RMND1: variants seen among roughly 807,000 people sequenced by gnomAD.
RMND1 encodes the protein required for meiotic nuclear division 1 homolog.
In RMND1, 41 loss-of-function variants were observed where a neutral mutation model predicts 54.0. The ratio of observed to expected loss-of-function variants is 0.76; its 90% CI spans 0.59 to 0.98. The LOEUF (loss-of-function observed/expected upper bound fraction) is 0.98, where lower values mean the gene tolerates loss of function less well. RMND1 is among the 50% of genes least tolerant of loss of function. RMND1 has a pLI of 0.00. For synonymous variants in RMND1, 183 were observed against 181.7 expected, an observed-to-expected ratio of 1.01 and a Z score of -0.06; for missense variants, 457 against 532.0, an observed-to-expected ratio of 0.86 and a Z score of 1.39.
At position 151,445,500 on chromosome 6, in the gene RMND1, G is replaced by A. The variant is rs1319677905; in HGVS notation, c.312C>T (p.His104=). 1 of 1,614,018 alleles carries A rather than the reference G, an allele frequency of 6.2e-7. No homozygotes were observed. Among genetic ancestry groups the A allele is most frequent in the African/African-American group, 1.3e-5 (1 of 74,942 alleles). Residue 104 remains histidine (H), a synonymous_variant, in exon 2 of 12, where the codon CAC becomes CAT. Transcript: ENST00000444024. ...HLPTMKSFGT[H]RRVTHKPNLL... ...GATTTGGTTTGTGGGTCACTCTCCTGTGAGTACCAAAGGATTTCATGGTTG... is the reference window on the plus strand; with the variant it reads ...GATTTGGTTTGTGGGTCACTCTCCTATGAGTACCAAAGGATTTCATGGTTG...
At chr6:151,415,133 ACTTTG>A (rs1779964518) in intron 10 of RMND1, among the ~76,000 whole-genome samples, 1 of 152,018 alleles carries the variant, frequency 6.6e-6, no homozygotes, top group African/African-American at 2.4e-5. Flanking sequence ...CATACAACAG[ACTTTG>A]CTTTTCTTAG....
chr6:151,445,435 T>C lies in RMND1; in HGVS notation c.377A>G (p.His126Arg). ...TGTTTCCGTTGATACAGATGAGAAA[T>C]GCCTCTTTAATATTTTTATAAACCA... ...SKWFIKILKR[H>R]FSSVSTETFV... is the part of the protein sequence containing the mutation. The change falls in exon 2 of 12, where the codon CAT (histidine) becomes CGT (arginine). Residue 126 changes from histidine to arginine, a missense_variant. Physicochemically the swap from His to Arg is conservative, Grantham distance 29. Transcript: ENST00000444024. 1.9e-6 allele frequency: 3 copies of C among 1,614,210 alleles called. No individual in the cohort carries two copies. Among genetic ancestry groups the C allele is most frequent in the Non-Finnish European group, 2.5e-6 (3 of 1,180,022 alleles).
chr6:151,425,204 A>G (rs1780259521), intron 6 of RMND1, among the ~76,000 whole-genome samples: 1 of 152,146 alleles, frequency 6.6e-6, no homozygotes, highest in Non-Finnish European at 1.5e-5. Flanking sequence ...TGGCCTCTCA[A>G]AGTGTTGGGA....
At chr6:151,433,111 A>G (rs1417363002) in intron 4 of RMND1, 44 bp downstream of exon 4, 2 of 1,272,272 alleles carry the variant, frequency 1.6e-6, no homozygotes, top group Non-Finnish European at 2.3e-6. Context: ...CAATTACTTG[A>G]CCCAAACCCA....
intron 10 of RMND1, among the ~76,000 whole-genome samples, chr6:151,409,386 T>G (rs1314781495): frequency 6.6e-6 from 1 of 152,224 alleles, no homozygotes; most frequent in Non-Finnish European, 1.5e-5. Flanking sequence ...CCCAGATGAC[T>G]TTTAAGTTTC....
intron 2 of RMND1, among the ~76,000 whole-genome samples, chr6:151,441,175 C>T (rs567862767): frequency 2.6e-5 from 4 of 152,192 alleles, no homozygotes; most frequent in Non-Finnish European, 4.4e-5. Context: ...TTAGGAGCAT[C>T]GCATGCTCTG....
At position 151,427,494 on chromosome 6, in the gene RMND1, T is replaced by G. The variant is rs766739125; in HGVS notation, c.818A>C (p.Tyr273Ser). ...AAAAGTTGCTTACTCTATTTTTATG[T>G]AGTTAAGTTCTTCATTTTCCCAGTG... is the stretch of plus-strand genomic sequence containing the variant. The part of the protein sequence containing the change: ...LVHWENEELN[Y>S]IKIEGQSKLH... Residue 273 changes from tyrosine (Y) to serine (S), a missense_variant, in exon 6 of 12, where the codon TAC (tyrosine) becomes TCC (serine). Coordinates refer to ENST00000444024, the MANE Select transcript of RMND1 (RefSeq NM_017909.4). 5 of 1,601,008 alleles carry G rather than the reference T, an allele frequency of 3.1e-6. No individual in the cohort carries two copies. Among genetic ancestry groups the G allele is most frequent in the Non-Finnish European group, 4.3e-6 (5 of 1,168,556 alleles).
intron 2 of RMND1, among the ~76,000 whole-genome samples, chr6:151,439,710 A>G (rs1780715716): frequency 6.6e-6 from 1 of 152,168 alleles, no homozygotes; most frequent in Non-Finnish European, 1.5e-5. Flanking sequence ...CCCAGGCTGG[A>G]GTGCAATGGT....
chr6:151,421,077 C>T, intron 9 of RMND1, 168 bp downstream of exon 9: 1 of 576,596 alleles, frequency 1.7e-6, no homozygotes, highest in East Asian at 3.0e-5. Flanking sequence ...TAACACAGCC[C>T]AACTACTTCT....
chr6:151,446,900 C>CAA (rs35099648), intron 1 of RMND1, among the ~76,000 whole-genome samples: 3 of 135,372 alleles, frequency 2.2e-5, no homozygotes, highest in Admixed American at 7.6e-5. Flanking sequence ...GACTCTGTCT[C>CAA]AAAAAAAAAA....
chr6:151,435,227 C>G (rs185035350), intron 3 of RMND1, among the ~76,000 whole-genome samples: 1 of 152,080 alleles, frequency 6.6e-6, no homozygotes, highest in African/African-American at 2.4e-5. Context: ...CTCACTGCAA[C>G]CTCCACCCTC....
chr6:151,421,370 CTAA>C, intron 8 of RMND1, 49 bp from the exon 9 acceptor site: 1 of 1,408,124 alleles, frequency 7.1e-7, no homozygotes, highest in Non-Finnish European at 9.9e-7. Flanking sequence ...ATCTCTCTTT[CTAA>C]TAAGCATTAG....
At chr6:151,445,898 G>A in intron 1 of RMND1, 73 bp from the exon 2 acceptor site, 3 of 1,322,080 alleles carry the variant, frequency 2.3e-6, no homozygotes, top group African/African-American at 1.5e-5. Context: ...TCCCTAGGTA[G>A]CAGGCATATT....
At chr6:151,440,634 A>G (rs1361371598) in intron 2 of RMND1, among the ~76,000 whole-genome samples, 1 of 152,174 alleles carries the variant, frequency 6.6e-6, no homozygotes, top group Non-Finnish European at 1.5e-5. Context: ...AATGTCACTC[A>G]GCTTATATGG....
intron 6 of RMND1, among the ~76,000 whole-genome samples, chr6:151,424,255 T>G (rs556416085): frequency 6.7e-4 from 102 of 151,978 alleles, no homozygotes; most frequent in African/African-American, 2.3e-3. Context: ...GGTCAGGAGA[T>G]TGAGACCATC....
intron 6 of RMND1, among the ~76,000 whole-genome samples, chr6:151,425,370 C>G (rs572674320): frequency 2.0e-5 from 3 of 152,144 alleles, no homozygotes; most frequent in African/African-American, 7.2e-5. Context: ...AACAAAATAA[C>G]TGACTCTGGG....
rs1779554049 is a variant in RMND1, at chr6:151,404,850, G to C, written c.*385C>G. The stretch of plus-strand genomic sequence containing the variant: ...AAAACACCTATTAAATGATCACCCA[G>C]TAGTGAACATTTATTTATTTATTTT... On this transcript the variant is annotated 3_prime_UTR_variant, in exon 12 of 12. Transcript: ENST00000444024. The C allele has an allele frequency of 6.4e-6, 1 of 157,418 alleles. No homozygotes were observed. The highest frequency in any genetic ancestry group is 2.7e-5 in the African/African-American group (1 of 37,316). The allele number at this position is 157,418 out of a possible 1,614,324, so 9.8% of individuals were successfully genotyped here.
intron 10 of RMND1, among the ~76,000 whole-genome samples, chr6:151,406,664 G>C (rs1779632904): frequency 6.6e-6 from 1 of 152,082 alleles, no homozygotes; most frequent in South Asian, 2.1e-4. Context: ...TGTGATAACT[G>C]TTAAATACCT....
intron 11 of RMND1, 124 bp from the exon 12 acceptor site, chr6:151,405,391 C>T (rs527659905): frequency 1.3e-5 from 11 of 862,634 alleles, no homozygotes; most frequent in African/African-American, 6.8e-5. Flanking sequence ...CCCTTTCTCA[C>T]GTGGCAACCT....
Sources: allele counts gnomAD v4.1 joint callset (sites outside exome capture counted in the v4.1 genomes callset), GRCh38; gene constraint gnomAD v4.1.1; transcripts MANE v1.5; gene names NCBI Gene and HGNC (gene_info 2026-07-23, HGNC 2026-07-21).